The following STPG2 variants were observed in gnomAD, a reference collection of about 807,000 sequenced individuals.
STPG2 encodes the protein sperm-tail PG-rich repeat-containing protein 2.
A neutral mutation model predicts 54.2 loss-of-function variants in STPG2; 56 were observed. The ratio of observed to expected loss-of-function variants is 1.03; its 90% CI spans 0.83 to 1.29. The LOEUF is 1.29. Ranked by LOEUF, STPG2 falls within the 50% of genes most tolerant of loss-of-function variation. The pLI is 0.00. For synonymous variants in STPG2, 200 were observed against 181.8 expected (o/e 1.10, Z -0.81); for missense variants, 596 against 544.9 (o/e 1.09, Z -0.93).
intron 9 of STPG2, among the ~76,000 whole-genome samples, chr4:97,777,094 T>C (rs981619151): frequency 2.0e-5 from 3 of 152,194 alleles, no homozygotes; most frequent in African/African-American, 7.2e-5. Context: ...ATCACTATTA[T>C]ACAGGAGCTC....
chr4:97,754,675 A>T (rs1725677215), intron 9 of STPG2, among the ~76,000 whole-genome samples: 1 of 151,986 alleles, frequency 6.6e-6, no homozygotes, highest in African/African-American at 2.4e-5. Context: ...ACTCTCCTAA[A>T]TGACTATTTC....
At chr4:97,748,920 C>A (rs1423314682) in intron 9 of STPG2, among the ~76,000 whole-genome samples, 1 of 151,470 alleles carries the variant, frequency 6.6e-6, no homozygotes, top group East Asian at 1.9e-4. Context: ...AAAAATAATT[C>A]TTGTAGTCCA....
intron 8 of STPG2, among the ~76,000 whole-genome samples, chr4:97,893,721 G>A (rs920248444): frequency 7.9e-5 from 12 of 151,964 alleles, no homozygotes; most frequent in Middle Eastern, 3.4e-3. Flanking sequence ...ACCTTTCATC[G>A]GCCAAAACTT....
At chr4:97,994,792 T>G (rs1436926813) in intron 5 of STPG2, among the ~76,000 whole-genome samples, 1 of 151,896 alleles carries the variant, frequency 6.6e-6, no homozygotes, top group Admixed American at 6.6e-5. Context: ...AGCTAGGAGG[T>G]GGCACTTTCA....
At chr4:98,054,626 A>G (rs2149316223) in intron 5 of STPG2, among the ~76,000 whole-genome samples, 1 of 152,298 alleles carries the variant, frequency 6.6e-6, no homozygotes, top group Non-Finnish European at 1.5e-5. Context: ...TAAAATTCTT[A>G]TAACTGAGAT....
At chr4:97,585,101 CAAAAAA>C (rs60854805) in intron 10 of STPG2, among the ~76,000 whole-genome samples, 4 of 46,254 alleles carry the variant, frequency 8.6e-5, no homozygotes, top group South Asian at 1.2e-3. Flanking sequence ...AAAATATTCT[CAAAAAA>C]AAAAAAAAAA....
At chr4:97,973,561 G>GA (rs1399802339) in intron 6 of STPG2, among the ~76,000 whole-genome samples, 1 of 152,190 alleles carries the variant, frequency 6.6e-6, no homozygotes, top group East Asian at 1.9e-4. Flanking sequence ...AAGACAATGG[G>GA]AAAAATGTCT....
intron 7 of STPG2, among the ~76,000 whole-genome samples, chr4:97,953,477 G>A (rs751954410): frequency 2.6e-5 from 4 of 152,152 alleles, no homozygotes; most frequent in Non-Finnish European, 4.4e-5. Flanking sequence ...TGCAGCTCCT[G>A]CACTTGTGGC....
intron 8 of STPG2, among the ~76,000 whole-genome samples, chr4:97,924,288 C>T (rs1246274274): frequency 6.6e-6 from 1 of 152,190 alleles, no homozygotes; most frequent in Non-Finnish European, 1.5e-5. Context: ...AAGAACCCAC[C>T]AATTCCAGAC....
chr4:98,080,804 C>A (rs1738322074), intron 5 of STPG2, among the ~76,000 whole-genome samples: 1 of 152,206 alleles, frequency 6.6e-6, no homozygotes, highest in South Asian at 2.1e-4. Flanking sequence ...AACATGTTTA[C>A]ACGATTCATG....
intron 10 of STPG2, among the ~76,000 whole-genome samples, chr4:97,684,870 C>A (rs967319533): frequency 5.3e-5 from 8 of 151,694 alleles, no homozygotes; most frequent in African/African-American, 1.9e-4. Flanking sequence ...GGACTTTTAT[C>A]CAAAATATAC....
At chr4:98,052,238 C>T (rs1045374261) in intron 5 of STPG2, among the ~76,000 whole-genome samples, 1 of 152,072 alleles carries the variant, frequency 6.6e-6, no homozygotes, top group Non-Finnish European at 1.5e-5. Flanking sequence ...TAATTTATTG[C>T]TTAAGGCATT....
Position 97,761,423 on chromosome 4 carries a change from AAAC to A in STPG2, c.1205-48612_1205-48610del, listed in dbSNP as rs1233833966. Among the ~76,000 whole-genome samples the A allele has an allele frequency of 8.5e-5, 13 of 152,278 alleles. No individual in the cohort carries two copies. The South Asian group carries it at 2.7e-3, about 32-fold the overall frequency. ...CCTAGAAACACCAAGGATAACCAAC[AAAC>A]AACAGAAGCTAGAAGAAGAAAGGAA... On this transcript the variant is annotated intron_variant, in intron 9 of 10. Transcript: ENST00000295268.
At chr4:97,633,043 AAGAAAAT>A (rs1286335531) in intron 10 of STPG2, among the ~76,000 whole-genome samples, 1 of 152,170 alleles carries the variant, frequency 6.6e-6, no homozygotes, top group Non-Finnish European at 1.5e-5. Context: ...CCAAATATAT[AAGAAAAT>A]ATTATCAACC....
At chr4:97,885,186 G>T (rs1730517798) in intron 8 of STPG2, among the ~76,000 whole-genome samples, 1 of 152,142 alleles carries the variant, frequency 6.6e-6, no homozygotes, top group South Asian at 2.1e-4. Flanking sequence ...GTGAACTGGA[G>T]AAATAGTAAC....
chr4:97,537,995 A>G (rs1731580930), intron 4 of STPG2, among the ~76,000 whole-genome samples: 1 of 152,216 alleles, frequency 6.6e-6, no homozygotes, highest in South Asian at 2.1e-4. Flanking sequence ...TGACTATTAA[A>G]AGGAAAACTA....
intron 4 of STPG2, among the ~76,000 whole-genome samples, chr4:97,473,099 C>T (rs982136650): frequency 2.0e-5 from 3 of 151,986 alleles, no homozygotes; most frequent in East Asian, 1.9e-4. Flanking sequence ...ATGTATGTCA[C>T]CTCAGGACCC....
intron 5 of STPG2, among the ~76,000 whole-genome samples, chr4:98,005,240 C>G (rs1286610276): frequency 6.6e-6 from 1 of 152,122 alleles, no homozygotes; most frequent in Non-Finnish European, 1.5e-5. Flanking sequence ...GATGCCCACC[C>G]AGATTAGGGG....
At chr4:97,539,060 A>G (rs1731619160) in intron 4 of STPG2, among the ~76,000 whole-genome samples, 1 of 152,354 alleles carries the variant, frequency 6.6e-6, no homozygotes, top group South Asian at 2.1e-4. Flanking sequence ...CATGGAAAGG[A>G]AAAACTGGTA....
Sources: allele counts gnomAD v4.1 joint callset (sites outside exome capture counted in the v4.1 genomes callset), GRCh38; gene constraint gnomAD v4.1.1; transcripts MANE v1.5; gene names NCBI Gene and HGNC (gene_info 2026-07-23, HGNC 2026-07-21).